ELAPOR1: variants seen among roughly 807,000 people sequenced by gnomAD.
The protein encoded by ELAPOR1 is endosome/lysosome-associated apoptosis and autophagy regulator 1.
In ELAPOR1, 77 loss-of-function variants were observed where a neutral mutation model predicts 119.7. The ratio of observed to expected loss-of-function variants is 0.64; its 90% confidence interval spans 0.54 to 0.78. ELAPOR1 has a LOEUF of 0.78. ELAPOR1 is among the 30% of genes least tolerant of loss of function. The probability of loss-of-function intolerance (pLI) is 0.00; values close to 1 mark genes in which losing one functional copy is unlikely to be tolerated. For missense variants in ELAPOR1, 1,115 were observed against 1,270.4 expected (o/e 0.88, Z 1.86); for synonymous variants, 481 against 487.2 (o/e 0.99, Z 0.17).
chr1:109,140,184 A>C (rs1021565363), intron 1 of ELAPOR1, among the ~76,000 whole-genome samples: 53 of 152,320 alleles, frequency 3.5e-4, no homozygotes, highest in African/African-American at 1.3e-3. Flanking sequence ...TACTATGTGA[A>C]AAGCACTCCC....
intron 11 of ELAPOR1, 58 bp downstream of exon 11, chr1:109,189,740 G>A (rs1382880954): frequency 1.0e-5 from 14 of 1,364,782 alleles, no homozygotes; most frequent in East Asian, 2.3e-5. Flanking sequence ...CGAATCCCAC[G>A]TATTTTGGAA....
At chr1:109,182,261 C>T (rs530468957) in intron 7 of ELAPOR1, among the ~76,000 whole-genome samples, 97 of 152,114 alleles carry the variant, frequency 6.4e-4, no homozygotes, top group South Asian at 1.9e-3. Context: ...ACCCGAGAGG[C>T]GGAGGTTGCA....
At chr1:109,194,690 G>GTAAAGCACTACATCT in intron 15 of ELAPOR1, 96 bp downstream of exon 15, 1 of 1,190,332 alleles carries the variant, frequency 8.4e-7, no homozygotes, top group Non-Finnish European at 1.2e-6. Context: ...AAATCCTTCA[G>GTAAAGCACTACATCT]GTAGCAGGGG....
At chr1:109,198,770 A>G (rs1250424824) in intron 18 of ELAPOR1, 96 bp downstream of exon 18, 8 of 1,131,480 alleles carry the variant, frequency 7.1e-6, no homozygotes, top group Admixed American at 4.3e-5. Flanking sequence ...CAAAAAAGAA[A>G]AGAGTTTGAG....
chr1:109,170,676 T>C (rs1206812572), intron 3 of ELAPOR1, among the ~76,000 whole-genome samples: 1 of 152,120 alleles, frequency 6.6e-6, no homozygotes, highest in East Asian at 1.9e-4. Flanking sequence ...CCACAGGGAG[T>C]CAGTCCCAGG....
intron 3 of ELAPOR1, among the ~76,000 whole-genome samples, chr1:109,171,344 T>A (rs903733662): frequency 6.6e-6 from 1 of 151,938 alleles, no homozygotes; most frequent in Non-Finnish European, 1.5e-5. Flanking sequence ...GGTCAGGAGT[T>A]CGAGACCAGG....
chr1:109,136,212 G>A (rs1031082784), intron 1 of ELAPOR1, among the ~76,000 whole-genome samples: 2 of 152,118 alleles, frequency 1.3e-5, no homozygotes, highest in Non-Finnish European at 2.9e-5. Context: ...GGGTCTTTGC[G>A]GATGTAGTCA....
intron 1 of ELAPOR1, among the ~76,000 whole-genome samples, chr1:109,134,282 A>G (rs1558022342): frequency 6.6e-6 from 1 of 152,124 alleles, no homozygotes; most frequent in Non-Finnish European, 1.5e-5. Context: ...AGGCGACTCA[A>G]TGGCACTGCT....
intron 16 of ELAPOR1, 92 bp downstream of exon 16, chr1:109,197,746 G>T: frequency 1.5e-6 from 2 of 1,355,962 alleles, no homozygotes; most frequent in African/African-American, 2.9e-5. Flanking sequence ...TACCAGTCTG[G>T]GAGGTAAAAG....
chr1:109,177,223 C>T (rs1652364144), intron 7 of ELAPOR1, among the ~76,000 whole-genome samples: 1 of 145,452 alleles, frequency 6.9e-6, no homozygotes, highest in South Asian at 2.2e-4. Flanking sequence ...GGGCGGCTGG[C>T]CGGGCGGGGG....
intron 15 of ELAPOR1, 117 bp from the exon 16 acceptor site, chr1:109,197,357 A>G (rs1557701543): frequency 1.2e-6 from 1 of 828,736 alleles, no homozygotes; most frequent in Non-Finnish European, 2.0e-6. Context: ...ATTCCCCTAC[A>G]ACATACCATT....
At chr1:109,187,325 G>T (rs900181470) in intron 8 of ELAPOR1, 2 of 985,386 alleles carry the variant, frequency 2.0e-6, no homozygotes, top group Non-Finnish European at 2.4e-6. Context: ...GCAGCCCTCC[G>T]CAGGGAAGAG....
intron 1 of ELAPOR1, among the ~76,000 whole-genome samples, chr1:109,152,723 G>A (rs1650608250): frequency 6.6e-6 from 1 of 151,938 alleles, no homozygotes; most frequent in Admixed American, 6.6e-5. Flanking sequence ...CAGGCAGATC[G>A]CTTTGAGCTC....
chr1:109,133,588 T>G (rs1483136084), intron 1 of ELAPOR1, among the ~76,000 whole-genome samples: 3 of 152,228 alleles, frequency 2.0e-5, no homozygotes, highest in African/African-American at 7.2e-5. Context: ...CTACCGAGAT[T>G]ATTATGGGAT....
At chr1:109,156,892 T>A (rs990733223) in intron 1 of ELAPOR1, among the ~76,000 whole-genome samples, 8 of 152,120 alleles carry the variant, frequency 5.3e-5, no homozygotes, top group Admixed American at 3.3e-4. Context: ...CACTTGACAA[T>A]CCCATCAAGA....
chr1:109,188,905 AT>A (rs1653242242), intron 9 of ELAPOR1, among the ~76,000 whole-genome samples, 160 bp from the exon 10 acceptor site: 1 of 152,236 alleles, frequency 6.6e-6, no homozygotes, highest in Admixed American at 6.5e-5. Flanking sequence ...CATTGTCAGA[AT>A]GTTTTTGAGT....
intron 7 of ELAPOR1, among the ~76,000 whole-genome samples, chr1:109,175,921 T>G (rs546409999): frequency 3.5e-4 from 53 of 151,844 alleles, no homozygotes; most frequent in African/African-American, 1.1e-3. Context: ...CGTATAACAA[T>G]TATTATCAAA....
At chr1:109,116,779 C>T (rs1249654489) in intron 1 of ELAPOR1, among the ~76,000 whole-genome samples, 2 of 150,690 alleles carry the variant, frequency 1.3e-5, no homozygotes, top group African/African-American at 2.4e-5. Context: ...CAGCTTCCAC[C>T]TCCCAGGCTC....
chr1:109,203,032 C>G lies in ELAPOR1; in HGVS notation c.*20C>G. 1 of 1,555,014 alleles carries G rather than the reference C, an allele frequency of 6.4e-7. No individual in the cohort carries two copies. Among genetic ancestry groups the G allele is most frequent in the Non-Finnish European group, 8.9e-7 (1 of 1,127,654 alleles). ...CTGTGAGAGGCACTGCCTGCCTCAC[C>G]TGCCTCCTCACCTTGCATAGCACCT... On this transcript the variant is annotated 3_prime_UTR_variant, in exon 22 of 22. Transcript: ENST00000369939.
Sources: allele counts gnomAD v4.1 joint callset (sites outside exome capture counted in the v4.1 genomes callset), GRCh38; gene constraint gnomAD v4.1.1; transcripts MANE v1.5; gene names NCBI Gene and HGNC (gene_info 2026-07-23, HGNC 2026-07-21).